The following THADA variants were observed in gnomAD, a reference collection of about 807,000 sequenced individuals.
THADA encodes the protein tRNA (32-2'-O)-methyltransferase regulator THADA.
In THADA, 213 loss-of-function variants were observed where a neutral mutation model predicts 219.8. That is an observed-to-expected ratio of 0.97 (90% CI 0.87 to 1.09). THADA has a LOEUF of 1.09. THADA is among the 50% of genes least tolerant of loss of function. The probability of loss-of-function intolerance (pLI) is 0.00; values close to 1 mark genes in which losing one functional copy is unlikely to be tolerated. For missense variants in THADA, 2,956 were observed against 2,311.3 expected, an observed-to-expected ratio of 1.28 and a Z score of -5.72; for synonymous variants, 1,018 against 828.9, an observed-to-expected ratio of 1.23 and a Z score of -3.92.
chr2:43,436,056 T>A (rs1680061718), intron 26 of THADA, among the ~76,000 whole-genome samples: 1 of 152,144 alleles, frequency 6.6e-6, no homozygotes, highest in African/African-American at 2.4e-5. Context: ...AGATAATGAC[T>A]ACTTGCTTGA....
intron 29 of THADA, chr2:43,391,838 C>G (rs1237872955): frequency 6.6e-6 from 1 of 152,224 alleles, no homozygotes; most frequent in Non-Finnish European, 1.5e-5. Context: ...TGCCTTAACC[C>G]TTCTTGGACT....
intron 30 of THADA, among the ~76,000 whole-genome samples, chr2:43,328,469 C>A (rs371044717): frequency 5.3e-5 from 8 of 152,302 alleles, no homozygotes; most frequent in African/African-American, 1.9e-4. Flanking sequence ...CCCCACAGCC[C>A]TCCTACTTGG....
At chr2:43,556,674 C>T in intron 16 of THADA, 119 bp from the exon 17 acceptor site, 2 of 904,162 alleles carry the variant, frequency 2.2e-6, no homozygotes, top group Admixed American at 2.9e-5. Flanking sequence ...CCTAGAGTCC[C>T]AGCTACTCAA....
chr2:43,434,495 C>A (rs1443706484), intron 26 of THADA, among the ~76,000 whole-genome samples: 1 of 152,184 alleles, frequency 6.6e-6, no homozygotes, highest in Non-Finnish European at 1.5e-5. Flanking sequence ...CCCCAAGACC[C>A]TAGCACGCAG....
chr2:43,242,321 CAAG>C (rs1018705123), intron 36 of THADA, among the ~76,000 whole-genome samples: 2 of 152,180 alleles, frequency 1.3e-5, no homozygotes, highest in African/African-American at 4.8e-5. Flanking sequence ...TCCAAGATTG[CAAG>C]AATAAGGTCT....
rs77785465 is a variant in THADA at position 43,411,024 on chromosome 2, T to G, written c.4059-12885A>C. ...ACAAGCCCAGCTATTTCCTTTAAACTTTTACAACCAGAATTAATGTTCCCT... is the reference window on the plus strand; with the variant it reads ...ACAAGCCCAGCTATTTCCTTTAAACGTTTACAACCAGAATTAATGTTCCCT... On this transcript the variant is annotated intron_variant, in intron 28 of 37. Coordinates refer to ENST00000405975, the MANE Select transcript of THADA (RefSeq NM_022065.5). Among the ~76,000 whole-genome samples, 8 of 152,348 alleles carry G rather than the reference T, an allele frequency of 5.3e-5. No individual in the cohort carries two copies. In the East Asian group the frequency reaches 1.2e-3, roughly 22 times the overall value.
chr2:43,543,813 T>C (rs891594955), intron 20 of THADA, among the ~76,000 whole-genome samples: 28 of 152,044 alleles, frequency 1.8e-4, no homozygotes, highest in African/African-American at 5.3e-4. Context: ...TTCTCCCATT[T>C]TGTAGGTTGC....
At chr2:43,532,634 T>C (rs1574113584) in intron 21 of THADA, among the ~76,000 whole-genome samples, 1 of 152,056 alleles carries the variant, frequency 6.6e-6, no homozygotes, top group Admixed American at 6.6e-5. Context: ...GACAAACCCA[T>C]AGCCAATATC....
intron 36 of THADA, among the ~76,000 whole-genome samples, chr2:43,265,359 C>T (rs768304130): frequency 2.0e-5 from 3 of 152,202 alleles, no homozygotes; most frequent in Non-Finnish European, 4.4e-5. Context: ...ACAGGACTCA[C>T]AATCAGAGCC....
At chr2:43,399,104 T>C (rs1022070005) in intron 28 of THADA, among the ~76,000 whole-genome samples, 1 of 152,178 alleles carries the variant, frequency 6.6e-6, no homozygotes, top group Non-Finnish European at 1.5e-5. Context: ...CCTTCACAGA[T>C]AGGAGATTGA....
intron 26 of THADA, among the ~76,000 whole-genome samples, chr2:43,476,463 A>C (rs1413055572): frequency 6.6e-6 from 1 of 152,194 alleles, no homozygotes; most frequent in African/African-American, 2.4e-5. Flanking sequence ...AATCCTCTTT[A>C]AAATTTCCTG....
intron 25 of THADA, among the ~76,000 whole-genome samples, chr2:43,490,212 T>C (rs1045419475): frequency 4.6e-5 from 7 of 152,220 alleles, no homozygotes; most frequent in Non-Finnish European, 7.4e-5. Flanking sequence ...ACCTTGCTAA[T>C]AGACAAGCTT....
chr2:43,419,149 G>A (rs1004725074), intron 28 of THADA, among the ~76,000 whole-genome samples: 6 of 152,210 alleles, frequency 3.9e-5, no homozygotes, highest in African/African-American at 1.4e-4. Context: ...GAGAGTAGGG[G>A]TGTTGGGTTG....
chr2:43,581,538 G>A lies in THADA; in HGVS notation c.721+203C>T, dbSNP rs540000776. ...CAGCCTGGGCAGCACAGTGAGATTC[G>A]GTCTCAAAAAAAAAAAAAAAGAAAA... On this transcript the variant is annotated intron_variant, in intron 8 of 37. Transcript: ENST00000405975. Among the ~76,000 whole-genome samples the A allele has an allele frequency of 8.9e-4, 124 of 139,168 alleles. 2 individuals carry two copies. Among genetic ancestry groups the A allele is most frequent in the African/African-American group, 3.2e-3 (113 of 35,456 alleles). 91.3% of individuals were successfully genotyped at this position (139,168 alleles called of 152,430 possible). A position where few individuals can be genotyped will look rare whatever the true frequency, so the allele number is the denominator to read the frequency against.
At chr2:43,355,102 A>G (rs1278151967) in intron 29 of THADA, among the ~76,000 whole-genome samples, 1 of 152,316 alleles carries the variant, frequency 6.6e-6, no homozygotes, top group Admixed American at 6.5e-5. Flanking sequence ...TAGCAGCTTG[A>G]GAACAAACTA....
chr2:43,271,690 C>A (rs1672141699), intron 36 of THADA, among the ~76,000 whole-genome samples: 1 of 148,724 alleles, frequency 6.7e-6, no homozygotes, highest in Non-Finnish European at 1.5e-5. Flanking sequence ...TCTCAGCTCA[C>A]TGCAACCTCC....
At chr2:43,250,800 T>C (rs566497059) in intron 36 of THADA, among the ~76,000 whole-genome samples, 1 of 152,156 alleles carries the variant, frequency 6.6e-6, no homozygotes, top group South Asian at 2.1e-4. Context: ...CAGAGGACAA[T>C]GGGTAATTCA....
In THADA at chr2:43,556,551, G is replaced by A. The variant is rs201555818; in HGVS notation, c.2468C>T (p.Ser823Leu). Residue 823 changes from serine (S) to leucine (L), a missense_variant, in exon 17 of 38, where the codon TCG (serine) becomes TTG (leucine). Transcript: ENST00000405975. The stretch of plus-strand genomic sequence containing the variant: ...CTGAAATAAGCCTTGCAGTTTCCCC[G>A]AATCCTAGAATAAAGCGCAGACTCA... The part of the protein sequence containing the change: ...LSKTAVHFQD[S>L]GKLQGLFQAA... The A allele has an allele frequency of 2.1e-4, 333 of 1,613,114 alleles. 1 individual carries two copies. The highest frequency in any genetic ancestry group is 1.4e-3 in the African/African-American group (106 of 74,964).
chr2:43,356,560 C>A (rs1573240401), intron 29 of THADA, among the ~76,000 whole-genome samples: 1 of 152,132 alleles, frequency 6.6e-6, no homozygotes, highest in Admixed American at 6.5e-5. Flanking sequence ...AAATCAATAA[C>A]AAAAATGAAA....
Sources: gnomAD v4.1 joint callset for allele counts (sites outside exome capture counted in the v4.1 genomes callset) on GRCh38, gnomAD v4.1.1 for gene constraint, MANE v1.5 for transcripts, NCBI Gene and HGNC (gene_info 2026-07-23, HGNC 2026-07-21) for gene names.